IQCH: variants seen among roughly 807,000 people sequenced by gnomAD.
IQCH encodes the protein IQ domain-containing protein H.
In IQCH, 98 loss-of-function variants were observed where a neutral mutation model predicts 117.0. The observed-to-expected ratio is 0.84, with a 90% confidence interval of 0.71 to 0.99. IQCH has a LOEUF of 0.99. Ranked by LOEUF, IQCH falls within the 50% of genes least tolerant of loss-of-function variation. The pLI is 0.00. For synonymous variants in IQCH, 412 were observed against 448.2 expected (o/e 0.92, Z 1.02); for missense variants, 1,102 against 1,243.8 (o/e 0.89, Z 1.72).
rs139787957 is a variant in IQCH, at chr15:67,454,071, C to T, written c.2506-11056C>T. Among the ~76,000 whole-genome samples the T allele has an allele frequency of 2.6e-4, 40 of 152,290 alleles. No homozygotes were observed. In the East Asian group the frequency reaches 6.4e-3, roughly 24 times the overall value. On this transcript the variant is annotated intron_variant, in intron 16 of 20. Coordinates refer to ENST00000335894, the MANE Select transcript of IQCH (RefSeq NM_001031715.3). This position sits in a 1 kb window ranked among gnomAD's most constrained non-coding sequence, Gnocchi z 5.2. ...CTCCTGGTGTGCTGTTTTTTAAGCCCGTTGGAAAAGCGCAGTATTAGGGTG... is the reference window on the plus strand; with the variant it reads ...CTCCTGGTGTGCTGTTTTTTAAGCCTGTTGGAAAAGCGCAGTATTAGGGTG...
intron 16 of IQCH, among the ~76,000 whole-genome samples, chr15:67,444,750 T>C (rs2082356052): frequency 6.6e-6 from 1 of 152,236 alleles, no homozygotes. Context: ...AAATGCATAT[T>C]TGGGGAGGAA....
At chr15:67,337,483 A>T (rs2140659744) in intron 5 of IQCH, among the ~76,000 whole-genome samples, 1 of 152,332 alleles carries the variant, frequency 6.6e-6, no homozygotes, top group East Asian at 1.9e-4. Flanking sequence ...GGAAATATGA[A>T]GCCAGAATTA....
At chr15:67,414,796 G>C (rs4776929) in intron 14 of IQCH, among the ~76,000 whole-genome samples, 34,071 of 151,798 alleles carry the variant, frequency 0.22, 3,968 homozygotes, top group South Asian at 0.37. Flanking sequence ...TCTTTGGACT[G>C]TCTTGGTATG....
At chr15:67,263,631 A>C (rs1965547701) in intron 3 of IQCH, among the ~76,000 whole-genome samples, 1 of 152,184 alleles carries the variant, frequency 6.6e-6, no homozygotes, top group Non-Finnish European at 1.5e-5. Context: ...TTGTTATTTT[A>C]TAGTGAAAGG....
chr15:67,353,600 T>C (rs1329149511), intron 6 of IQCH, among the ~76,000 whole-genome samples: 1 of 152,162 alleles, frequency 6.6e-6, no homozygotes, highest in East Asian at 1.9e-4. Context: ...GCTCAGGCAA[T>C]CCGCCCACCT....
chr15:67,317,011 C>G (rs970944525), intron 4 of IQCH, among the ~76,000 whole-genome samples: 5 of 152,138 alleles, frequency 3.3e-5, no homozygotes, highest in Admixed American at 3.3e-4. Flanking sequence ...TGTGTTAACT[C>G]AAGGACTAGA....
rs1156956785 is a variant in IQCH, at chr15:67,431,512, A to T, written c.2505+9935A>T. Among the ~76,000 whole-genome samples the T allele has an allele frequency of 1.3e-5, 2 of 152,082 alleles. No individual in the cohort carries two copies. The highest frequency in any genetic ancestry group is 4.8e-5 in the African/African-American group (2 of 41,410). On this transcript the variant is annotated intron_variant, in intron 16 of 20. Transcript: ENST00000335894. The surrounding 1 kb of genome is among the most constrained non-coding windows in gnomAD (Gnocchi z 4.8). Reference sequence around the variant, plus strand: ...GGTGGAGGGTGGGAGGAGGGAGAGAATCAGGAAAAATAACTCCTGGGTACT... The same window carrying T: ...GGTGGAGGGTGGGAGGAGGGAGAGATTCAGGAAAAATAACTCCTGGGTACT...
chr15:67,418,744 A>G (rs1056602889), intron 15 of IQCH, among the ~76,000 whole-genome samples: 1 of 151,766 alleles, frequency 6.6e-6, no homozygotes, highest in Non-Finnish European at 1.5e-5. Flanking sequence ...TGCCCAGCTA[A>G]TTTTTGTATT....
rs1316484907 is a variant in IQCH, at chr15:67,447,463, G to T, written c.2506-17664G>T. The stretch of plus-strand genomic sequence containing the variant: ...ATCTCTCAGATAACTGAATCCAAAA[G>T]GTTCCCTTATGATAAGCATGTAGTA... On this transcript the variant is annotated intron_variant, in intron 16 of 20. Coordinates refer to ENST00000335894, the MANE Select transcript of IQCH (RefSeq NM_001031715.3). This position sits in a 1 kb window ranked among gnomAD's most constrained non-coding sequence, Gnocchi z 5.3. 6.6e-6 allele frequency among the ~76,000 whole-genome samples: 1 copy of T among 152,166 alleles called. No homozygotes were observed. The highest frequency in any genetic ancestry group is 1.5e-5 in the Non-Finnish European group (1 of 68,030).
In IQCH at chr15:67,428,621, C is replaced by T. The variant is rs187201665; in HGVS notation, c.2505+7044C>T. 1.5e-3 allele frequency among the ~76,000 whole-genome samples: 224 copies of T among 152,112 alleles called. 2 individuals carry two copies. The highest frequency in any genetic ancestry group is 2.5e-3 in the Non-Finnish European group (169 of 67,988). On this transcript the variant is annotated intron_variant, in intron 16 of 20. Transcript: ENST00000335894. ...ATCCCAACACTTTGGGAGACCGAGG[C>T]GGGTGGATCACGAGGTCAGGAGTTT... is the stretch of plus-strand genomic sequence containing the variant.
intron 3 of IQCH, among the ~76,000 whole-genome samples, chr15:67,268,060 A>G (rs1174616584): frequency 6.6e-6 from 1 of 152,208 alleles, no homozygotes. Flanking sequence ...TCACATGCAT[A>G]ATCACTGATG....
At chr15:67,284,104 A>G (rs987257705) in intron 4 of IQCH, among the ~76,000 whole-genome samples, 1 of 152,134 alleles carries the variant, frequency 6.6e-6, no homozygotes, top group African/African-American at 2.4e-5. Flanking sequence ...TACTGACTAT[A>G]GTTGCTCTGT....
At chr15:67,305,166 A>G (rs916094216) in intron 4 of IQCH, among the ~76,000 whole-genome samples, 2 of 152,116 alleles carry the variant, frequency 1.3e-5, no homozygotes, top group Non-Finnish European at 2.9e-5. Context: ...TTTTAAATAC[A>G]TTTTTAACCT....
chr15:67,400,784 C>T (rs1596311890), intron 14 of IQCH, among the ~76,000 whole-genome samples: 2 of 151,934 alleles, frequency 1.3e-5, no homozygotes, highest in South Asian at 2.1e-4. Context: ...CAAGTATGAG[C>T]CACAATTTGG....
chr15:67,440,973 C>T (rs2082253219), intron 16 of IQCH, among the ~76,000 whole-genome samples: 1 of 151,980 alleles, frequency 6.6e-6, no homozygotes, highest in Non-Finnish European at 1.5e-5. Context: ...ACCCTAAGGA[C>T]TCCTCCAGAA....
rs186915262 is a variant in IQCH, at chr15:67,311,853, G to T, written c.388-25122G>T. Among the ~76,000 whole-genome samples the T allele has an allele frequency of 3.1e-3, 472 of 151,992 alleles. 2 individuals are homozygous for T. The highest frequency in any genetic ancestry group is 0.01 in the African/African-American group (433 of 41,460). On this transcript the variant is annotated intron_variant, in intron 4 of 20. Coordinates refer to ENST00000335894, the MANE Select transcript of IQCH (RefSeq NM_001031715.3). Reference sequence around the variant, plus strand: ...TTTATTTTTTAACAAGAGCAAATCCGCTACTTAATTAAAACAAAGGAGTTA... The same window carrying T: ...TTTATTTTTTAACAAGAGCAAATCCTCTACTTAATTAAAACAAAGGAGTTA...
At chr15:67,264,070 C>A (rs1965568457) in intron 3 of IQCH, among the ~76,000 whole-genome samples, 1 of 152,202 alleles carries the variant, frequency 6.6e-6, no homozygotes, top group African/African-American at 2.4e-5. Context: ...ATAGCCAAGT[C>A]AGTACTAGGG....
rs372002184 is a variant in IQCH, at chr15:67,436,741, G to A, written c.2505+15164G>A. ...TGGTGGGAGTGAGACCGGCCCTTTGGTTTGCATGGGAGCTGGGTGAGGCCT... is the reference window on the plus strand; with the variant it reads ...TGGTGGGAGTGAGACCGGCCCTTTGATTTGCATGGGAGCTGGGTGAGGCCT... On this transcript the variant is annotated intron_variant, in intron 16 of 20. Coordinates refer to ENST00000335894, the MANE Select transcript of IQCH (RefSeq NM_001031715.3). This position sits in a 1 kb window ranked among gnomAD's most constrained non-coding sequence, Gnocchi z 5.1. Among the ~76,000 whole-genome samples, 98 of 152,224 alleles carry A rather than the reference G, an allele frequency of 6.4e-4. No homozygotes were observed. The highest frequency in any genetic ancestry group is 2.3e-3 in the African/African-American group (94 of 41,542).
In IQCH at chr15:67,421,443, C is replaced by T. The variant is rs200005536; in HGVS notation, c.2371C>T (p.Gln791Ter). ...CATCTCCTCTGGTACCACCGTGCCT[C>T]AGACCTCAGTGGATCCCCAAGTTCT... is the stretch of plus-strand genomic sequence containing the variant. ...PFISSGTTVPQTSVDPQVLTY... is the reference protein window; with the variant it reads ...PFISSGTTVP The change falls in exon 16 of 21, where the codon CAG (glutamine) becomes TAG (stop). Residue 791 changes from glutamine to a stop codon, truncating the protein, a stop_gained. Coordinates refer to ENST00000335894, the MANE Select transcript of IQCH (RefSeq NM_001031715.3). LOFTEE classifies it high-confidence loss of function. 16 of 1,614,184 alleles carry T rather than the reference C, an allele frequency of 9.9e-6. No individual in the cohort carries two copies. In the East Asian group the frequency reaches 3.3e-4, roughly 34 times the overall value.
Sources: gnomAD v4.1 joint callset for allele counts (sites outside exome capture counted in the v4.1 genomes callset) on GRCh38, gnomAD v4.1.1 for gene constraint, Gnocchi (gnomAD v3.1) non-coding constraint, MANE v1.5 for transcripts, NCBI Gene and HGNC (gene_info 2026-07-23, HGNC 2026-07-21) for gene names.